Variants in RBBP6 observed in about 807,000 individuals in gnomAD.
The protein encoded by RBBP6 is E3 ubiquitin-protein ligase RBBP6.
A neutral mutation model predicts 167.7 loss-of-function variants in RBBP6; 25 were observed. That is an observed-to-expected ratio of 0.15 (90% CI 0.11 to 0.21). The LOEUF is 0.21. Among genes scored for constraint, RBBP6 ranks in the 10% least tolerant of loss-of-function variants. The probability of loss-of-function intolerance (pLI) is 1.00; values close to 1 mark genes in which losing one functional copy is unlikely to be tolerated. For synonymous variants in RBBP6, 789 were observed against 735.8 expected (o/e 1.07, Z -1.17); for missense variants, 1,868 against 2,134.2 (o/e 0.88, Z 2.46).
intron 14 of RBBP6, among the ~76,000 whole-genome samples, chr16:24,566,522 C>G (rs1899197979): frequency 6.6e-6 from 1 of 152,124 alleles, no homozygotes; most frequent in African/African-American, 2.4e-5. Context: ...GTGCAGATCA[C>G]CTGAGGTCAG....
chr16:24,572,759 G>A lies in RBBP6; in HGVS notation c.*314G>A. ...TGAATTTTTTAATTGCCTGGCAAAA[G>A]CTGATATAAGTTCTAAAATATCAGC... On this transcript the variant is annotated 3_prime_UTR_variant, in exon 18 of 18. Coordinates refer to ENST00000319715, the MANE Select transcript of RBBP6 (RefSeq NM_006910.5). 4.5e-6 allele frequency: 1 copy of A among 220,852 alleles called. No homozygotes were observed. Among genetic ancestry groups the A allele is most frequent in the East Asian group, 9.5e-5 (1 of 10,472 alleles). 13.7% of individuals were successfully genotyped at this position (220,852 alleles called of 1,614,324 possible).
chr16:24,559,837 T>C (rs1899004911), intron 8 of RBBP6, 160 bp downstream of exon 8: 7 of 558,694 alleles, frequency 1.3e-5, no homozygotes, highest in South Asian at 5.8e-5. Context: ...TTTTTCTTGC[T>C]GTATCTTTTT....
At chr16:24,564,748 T>TTA (rs1217383211) in intron 13 of RBBP6, 49 bp from the exon 14 acceptor site, 1 of 1,598,360 alleles carries the variant, frequency 6.3e-7, no homozygotes. Flanking sequence ...AGGTCATGTA[T>TTA]TATACCCATG....
Position 24,569,143 on chromosome 16 carries a change from T to C in RBBP6, c.2453T>C (p.Phe818Ser), listed in dbSNP as rs1355864470. 1 of 1,612,112 alleles carries C rather than the reference T, an allele frequency of 6.2e-7. No homozygotes were observed. The highest frequency in any genetic ancestry group is 1.1e-5 in the South Asian group (1 of 90,910). Residue 818 changes from phenylalanine to serine, a missense_variant, in exon 17 of 18, where the codon TTT becomes TCT. Transcript: ENST00000319715. ...GCATATTATGGGAGAAGTGTTGACT[T>C]TAGAGACCCATTTGAAAAAGAACGC... is the stretch of plus-strand genomic sequence containing the variant. ...MKAYYGRSVD[F>S]RDPFEKERYR...
At chr16:24,556,517 G>A in intron 7 of RBBP6, 70 bp downstream of exon 7, 1 of 1,443,368 alleles carries the variant, frequency 6.9e-7, no homozygotes, top group South Asian at 1.6e-5. Flanking sequence ...TTTAATCTTG[G>A]GCTTGTAACT....
chr16:24,541,563 T>A (rs753368846), intron 1 of RBBP6, among the ~76,000 whole-genome samples: 1 of 152,230 alleles, frequency 6.6e-6, no homozygotes, highest in East Asian at 1.9e-4. Context: ...CTGTTGATAC[T>A]AAGGTACTGA....
At chr16:24,559,409 G>A (rs899989256) in intron 7 of RBBP6, 96 bp from the exon 8 acceptor site, 26 of 995,744 alleles carry the variant, frequency 2.6e-5, no homozygotes, top group South Asian at 3.6e-5. Context: ...TTGGCATTGC[G>A]CTGAATTATG....
At chr16:24,564,553 T>C (rs571501320) in intron 13 of RBBP6, among the ~76,000 whole-genome samples, 2 of 152,352 alleles carry the variant, frequency 1.3e-5, no homozygotes, top group South Asian at 4.1e-4. Flanking sequence ...AAATATAATA[T>C]TACATAAAGT....
At position 24,572,528 on chromosome 16, in the gene RBBP6, AAAT is replaced by A; in HGVS notation, c.*87_*89del. 2 of 1,433,266 alleles carry A rather than the reference AAAT, an allele frequency of 1.4e-6. No individual in the cohort carries two copies. The highest frequency in any genetic ancestry group is 5.0e-5 in the East Asian group (2 of 40,120). 88.8% of individuals were successfully genotyped at this position (1,433,266 alleles called of 1,614,324 possible). On this transcript the variant is annotated 3_prime_UTR_variant, in exon 18 of 18. Coordinates refer to ENST00000319715, the MANE Select transcript of RBBP6 (RefSeq NM_006910.5). ...TAATGTAAAGAGATTCAAGCCTTGTAAATAATGACATGGAAGACCCTGTGCTGC... is the reference window on the plus strand; with the variant it reads ...TAATGTAAAGAGATTCAAGCCTTGTAAATGACATGGAAGACCCTGTGCTGC...
Position 24,540,528 on chromosome 16 carries a change from G to A in RBBP6, c.-99G>A. Reference sequence around the variant, plus strand: ...CCTTAGGGTCCTTCGGTGTCTTTGAGTGTTTTGTGTGTACATATTTTGCTC... The same window carrying A: ...CCTTAGGGTCCTTCGGTGTCTTTGAATGTTTTGTGTGTACATATTTTGCTC... On this transcript the variant is annotated 5_prime_UTR_variant, in exon 1 of 18. In the 5' UTR this introduces an upstream ATG that the reference lacks. Coordinates refer to ENST00000319715, the MANE Select transcript of RBBP6 (RefSeq NM_006910.5). The A allele has an allele frequency of 8.0e-7, 1 of 1,255,592 alleles. No individual in the cohort carries two copies. The highest frequency in any genetic ancestry group is 1.1e-6 in the Non-Finnish European group (1 of 903,240). The allele number at this position is 1,255,592 out of a possible 1,614,324, so 77.8% of individuals were successfully genotyped here. A position where few individuals can be genotyped will look rare whatever the true frequency, so the allele number is the denominator to read the frequency against.
Position 24,568,830 on chromosome 16 carries a change from T to C in RBBP6, c.2140T>C (p.Ser714Pro), listed in dbSNP as rs754027857. The change falls in exon 17 of 18, where the codon TCT becomes CCT. Residue 714 changes from serine (S) to proline (P), a missense_variant. Ser to Pro is a moderately conservative substitution (Grantham distance 74). Around this residue, in one of 7 missense-constraint regions of RBBP6, gnomAD observed 673 missense variants for 691.5 expected, o/e 0.97. Transcript: ENST00000319715. ...AAGATCTGGTTCAACACGTTCACGC[T>C]CTTATTCTCGATCATTCAGCCGCTC... is the stretch of plus-strand genomic sequence containing the variant. ...KSRSGSTRSRSYSRSFSRSHS... is the reference protein window; with the variant it reads ...KSRSGSTRSRPYSRSFSRSHS... The C allele has an allele frequency of 1.2e-6, 2 of 1,614,244 alleles. No homozygotes were observed. Among genetic ancestry groups the C allele is most frequent in the Non-Finnish European group, 1.7e-6 (2 of 1,180,036 alleles).
In RBBP6 at chr16:24,540,727, T is replaced by G; in HGVS notation, c.101T>G (p.Met34Arg). 6.2e-7 allele frequency: 1 copy of G among 1,614,110 alleles called. No individual in the cohort carries two copies. The highest frequency in any genetic ancestry group is 8.5e-7 in the Non-Finnish European group (1 of 1,180,018). Residue 34 changes from methionine to arginine, a missense_variant, in exon 1 of 18, where the codon ATG becomes AGG. Physicochemically the swap from Met to Arg is moderately conservative, Grantham distance 91 (BLOSUM62 -1). Transcript: ENST00000319715. ...ISLCDLKKQI[M>R]GREKLKAADC... ...CTCTGCGACTTAAAGAAGCAGATTA[T>G]GGGGAGAGAGAAGCTGAAAGCTGCC...
At chr16:24,550,674 C>T (rs1472032436) in intron 3 of RBBP6, among the ~76,000 whole-genome samples, 3 of 151,348 alleles carry the variant, frequency 2.0e-5, no homozygotes, top group East Asian at 1.9e-4. Flanking sequence ...TGTGTTCCGG[C>T]ATGTCTGTAT....
intron 7 of RBBP6, chr16:24,558,613 A>G (rs1462513684): frequency 1.4e-6 from 1 of 697,078 alleles, no homozygotes; most frequent in Non-Finnish European, 1.8e-6. Flanking sequence ...TGAAATAGAA[A>G]GGGTTTCTCT....
At chr16:24,552,066 TTAAG>T (rs2141462029) in intron 3 of RBBP6, among the ~76,000 whole-genome samples, 1 of 151,968 alleles carries the variant, frequency 6.6e-6, no homozygotes, top group South Asian at 2.1e-4. Flanking sequence ...TAGATATGCA[TTAAG>T]TTATAGGGTT....
chr16:24,546,712 A>T (rs967256781), intron 2 of RBBP6, among the ~76,000 whole-genome samples: 1 of 152,212 alleles, frequency 6.6e-6, no homozygotes, highest in African/African-American at 2.4e-5. Flanking sequence ...GGCATAAAGT[A>T]TATAGGATTT....
At chr16:24,547,106 T>C (rs556415704) in intron 2 of RBBP6, among the ~76,000 whole-genome samples, 89 of 152,356 alleles carry the variant, frequency 5.8e-4, no homozygotes, top group Middle Eastern at 3.4e-3. Flanking sequence ...AATTAGGTAG[T>C]ATTGTTTGAA....
rs1340718526 is a variant in RBBP6 at position 24,571,088 on chromosome 16, G to C, written c.4022G>C (p.Ser1341Thr). 3.7e-6 allele frequency: 6 copies of C among 1,612,464 alleles called. No individual in the cohort carries two copies. Among genetic ancestry groups the C allele is most frequent in the Admixed American group, 1.7e-5 (1 of 59,912 alleles). Residue 1341 changes from serine to threonine, a missense_variant, in exon 18 of 18, where the codon AGT (serine) becomes ACT (threonine). Physicochemically the swap from Ser to Thr is moderately conservative, Grantham distance 58. Transcript: ENST00000319715. ...GTTAAATCCACACAGCCTATATCAA[G>C]TGTAGGAAAACCTGCTAGTGTTATA... ...EDVKSTQPISSVGKPASVIKN... is the reference protein window; with the variant it reads ...EDVKSTQPISTVGKPASVIKN...
Position 24,570,961 on chromosome 16 carries a change from T to C in RBBP6, c.3895T>C (p.Tyr1299His). The C allele has an allele frequency of 6.2e-7, 1 of 1,609,816 alleles. No individual in the cohort carries two copies. The highest frequency in any genetic ancestry group is 8.5e-7 in the Non-Finnish European group (1 of 1,176,652). ...AACTGTGATTAAAACGATGGAAGAA[T>C]ATAATAATGACAATACCGCGCCAGC... ...KRTVIKTMEE[Y>H]NNDNTAPAED... The change falls in exon 18 of 18, where the codon TAT (tyrosine) becomes CAT (histidine). Residue 1299 changes from tyrosine to histidine, a missense_variant. Tyr to His is a moderately conservative substitution (Grantham distance 83, BLOSUM62 2). Coordinates refer to ENST00000319715, the MANE Select transcript of RBBP6 (RefSeq NM_006910.5).
Sources: gnomAD v4.1 joint callset for allele counts (sites outside exome capture counted in the v4.1 genomes callset) on GRCh38, gnomAD v4.1.1 for gene constraint, gnomAD v4.1.1 regional missense constraint, MANE v1.5 for transcripts, NCBI Gene and HGNC (gene_info 2026-07-23, HGNC 2026-07-21) for gene names.